Variants in NAALADL2 observed in about 807,000 individuals in gnomAD.
The protein encoded by NAALADL2 is N-acetylated alpha-linked acidic dipeptidase like 2.
NAALADL2 carries 76 observed loss-of-function variants against 87.2 expected under a neutral mutation model. That is an observed-to-expected ratio of 0.87 (90% CI 0.72 to 1.05). The LOEUF (loss-of-function observed/expected upper bound fraction) is 1.05. NAALADL2 is among the 50% of genes least tolerant of loss of function. The probability of loss-of-function intolerance (pLI) is 0.00; values close to 1 mark genes in which losing one functional copy is unlikely to be tolerated. For synonymous variants in NAALADL2, 354 were observed against 331.0 expected, an observed-to-expected ratio of 1.07 and a Z score of -0.75; for missense variants, 1,089 against 945.8, an observed-to-expected ratio of 1.15 and a Z score of -1.99.
intron 13 of NAALADL2, among the ~76,000 whole-genome samples, chr3:175,796,238 A>G (rs111936556): frequency 0.036 from 5,422 of 152,166 alleles, 121 homozygotes; most frequent in South Asian, 0.07. Context: ...TACATATGCT[A>G]TATTCTGTTG....
At chr3:175,572,947 G>A (rs1483366479) in intron 9 of NAALADL2, among the ~76,000 whole-genome samples, 1 of 151,874 alleles carries the variant, frequency 6.6e-6, no homozygotes, top group Non-Finnish European at 1.5e-5. Flanking sequence ...GGTCATTTGT[G>A]CAATGTTAGA....
chr3:175,501,673 G>A (rs1333078789), intron 9 of NAALADL2, among the ~76,000 whole-genome samples: 1 of 152,112 alleles, frequency 6.6e-6, no homozygotes, highest in Admixed American at 6.6e-5. Flanking sequence ...ATAGGGAAAA[G>A]AGCAATAGCA....
intron 1 of NAALADL2, among the ~76,000 whole-genome samples, chr3:174,480,484 T>C (rs1285242101): frequency 6.6e-6 from 1 of 152,084 alleles, no homozygotes; most frequent in Non-Finnish European, 1.5e-5. Context: ...TCCCTGCCTT[T>C]ATAGAAGCTT....
At chr3:175,303,644 C>T (rs67914035) in intron 4 of NAALADL2, among the ~76,000 whole-genome samples, 14,127 of 152,216 alleles carry the variant, frequency 0.093, 879 homozygotes, top group Middle Eastern at 0.14. Context: ...CCGCACATAG[C>T]GTTACTTGCA....
At chr3:175,700,186 A>T (rs1738790947) in intron 11 of NAALADL2, among the ~76,000 whole-genome samples, 1 of 152,148 alleles carries the variant, frequency 6.6e-6, no homozygotes, top group African/African-American at 2.4e-5. Context: ...ATGCAAACTT[A>T]TCTTAGCTGT....
intron 13 of NAALADL2, among the ~76,000 whole-genome samples, chr3:175,759,777 T>C (rs140152124): frequency 6.6e-6 from 1 of 152,254 alleles, no homozygotes; most frequent in Non-Finnish European, 1.5e-5. Context: ...GGAGAAGTTG[T>C]GTGTGGTGTG....
chr3:174,687,201 C>A (rs1382177712), intron 2 of NAALADL2, among the ~76,000 whole-genome samples: 2 of 152,100 alleles, frequency 1.3e-5, no homozygotes, highest in African/African-American at 4.8e-5. Context: ...ATCACTGGAA[C>A]CCTCCTTTCT....
At chr3:175,240,733 G>T (rs1399877531) in intron 3 of NAALADL2, among the ~76,000 whole-genome samples, 1 of 152,174 alleles carries the variant, frequency 6.6e-6, no homozygotes, top group Non-Finnish European at 1.5e-5. Flanking sequence ...TCAACTCACT[G>T]CAACCTCTGC....
intron 1 of NAALADL2, among the ~76,000 whole-genome samples, chr3:174,959,275 G>A (rs540678443): frequency 1.3e-4 from 20 of 152,128 alleles, no homozygotes; most frequent in African/African-American, 4.1e-4. Context: ...AACTATTCAC[G>A]GGGCTATGTC....
chr3:174,809,459 T>C (rs912298436), intron 3 of NAALADL2, among the ~76,000 whole-genome samples: 1 of 152,204 alleles, frequency 6.6e-6, no homozygotes, highest in Non-Finnish European at 1.5e-5. Flanking sequence ...CAATTTCACT[T>C]TGTAATAGCA....
intron 4 of NAALADL2, among the ~76,000 whole-genome samples, chr3:175,276,850 A>G (rs901579764): frequency 6.6e-6 from 1 of 152,022 alleles, no homozygotes; most frequent in African/African-American, 2.4e-5. Flanking sequence ...AATTTGACTA[A>G]TCCCATTATT....
intron 3 of NAALADL2, among the ~76,000 whole-genome samples, chr3:174,753,563 G>A (rs900584053): frequency 6.6e-5 from 10 of 152,274 alleles, no homozygotes; most frequent in African/African-American, 2.2e-4. Flanking sequence ...ACTTTTTAAA[G>A]TAGGAGTGAT....
At chr3:174,979,431 A>C (rs766869204) in intron 1 of NAALADL2, among the ~76,000 whole-genome samples, 1 of 147,568 alleles carries the variant, frequency 6.8e-6, no homozygotes, top group Non-Finnish European at 1.5e-5. Context: ...TCAGTCTCCC[A>C]AGTAGCTGGG....
intron 3 of NAALADL2, among the ~76,000 whole-genome samples, chr3:174,787,494 G>A (rs1235228553): frequency 6.9e-6 from 1 of 145,192 alleles, no homozygotes; most frequent in African/African-American, 2.5e-5. Flanking sequence ...AATAAGCCAT[G>A]TTTTCTTGAC....
chr3:175,131,253 A>T (rs2108630079), intron 2 of NAALADL2, among the ~76,000 whole-genome samples: 1 of 151,796 alleles, frequency 6.6e-6, no homozygotes, highest in African/African-American at 2.4e-5. Context: ...CAGCAGATAA[A>T]CAAGTGAACA....
chr3:174,921,635 A>G (rs1236217230), intron 1 of NAALADL2, among the ~76,000 whole-genome samples: 1 of 151,920 alleles, frequency 6.6e-6, no homozygotes, highest in African/African-American at 2.4e-5. Context: ...CCCCATTGCT[A>G]CTAAAAATAC....
At chr3:174,531,069 A>G (rs1445121293) in intron 1 of NAALADL2, among the ~76,000 whole-genome samples, 1 of 152,212 alleles carries the variant, frequency 6.6e-6, no homozygotes, top group Non-Finnish European at 1.5e-5. Flanking sequence ...TACAAGCTAT[A>G]ATGAACATCA....
rs149257944 is a variant in NAALADL2 at position 174,689,187 on chromosome 3, A to G, written c.-114-48454A>G. 3.9e-5 allele frequency among the ~76,000 whole-genome samples: 6 copies of G among 152,208 alleles called. No individual in the cohort carries two copies. The East Asian group carries it at 1.2e-3, about 29-fold the overall frequency. ...TGTTTTATTTCTCTCTCATGAAAAT[A>G]ACTTTTATATGCACAGGGTATGAGC... On this transcript the variant is annotated intron_variant, in intron 2 of 3. Coordinates refer to the NAALADL2 transcript ENST00000434257.
intron 1 of NAALADL2, among the ~76,000 whole-genome samples, chr3:175,014,760 T>G (rs1418430994): frequency 6.6e-6 from 1 of 152,142 alleles, no homozygotes; most frequent in South Asian, 2.1e-4. Context: ...CTAATTAGAT[T>G]TGAAATCCAT....
Sources: gnomAD v4.1 joint callset for allele counts (sites outside exome capture counted in the v4.1 genomes callset) on GRCh38, gnomAD v4.1.1 for gene constraint, MANE v1.5 for transcripts, NCBI Gene and HGNC (gene_info 2026-07-23, HGNC 2026-07-21) for gene names.